TPST1: variants seen among roughly 807,000 people sequenced by gnomAD.
TPST1 encodes the protein protein-tyrosine sulfotransferase 1.
Under a neutral mutation model 34.8 loss-of-function variants are expected in TPST1, and 20 were observed. The observed-to-expected ratio is 0.57, with a 90% CI of 0.40 to 0.84. TPST1 has a LOEUF of 0.84. Ranked by LOEUF, TPST1 falls within the 40% of genes least tolerant of loss-of-function variation. The probability of loss-of-function intolerance (pLI) is 0.00; values close to 1 mark genes in which losing one functional copy is unlikely to be tolerated. For missense variants in TPST1, 353 were observed against 455.5 expected (o/e 0.78, Z 2.05); for synonymous variants, 152 against 159.4 (o/e 0.95, Z 0.35).
the TPST1 span, among the ~76,000 whole-genome samples, chr7:66,200,211 G>A: frequency 2.2e-3 from 335 of 152,286 alleles, no homozygotes; most frequent in African/African-American, 7.6e-3. Context: ...GTCTTCTCTA[G>A]AGGTGAGTTC....
At chr7:66,293,215 A>G (rs1442463300) in intron 3 of TPST1, among the ~76,000 whole-genome samples, 2 of 152,086 alleles carry the variant, frequency 1.3e-5, no homozygotes, top group Non-Finnish European at 2.9e-5. Context: ...CAAAAAAAAA[A>G]AAGAAAAACT....
intron 2 of TPST1, among the ~76,000 whole-genome samples, chr7:66,267,306 A>C (rs1173462556): frequency 6.6e-6 from 1 of 152,228 alleles, no homozygotes; most frequent in Non-Finnish European, 1.5e-5. Flanking sequence ...GAAGTGCAGA[A>C]TGTGCTTAGG....
At chr7:66,275,729 T>C (rs182239197) in intron 2 of TPST1, among the ~76,000 whole-genome samples, 20 of 151,344 alleles carry the variant, frequency 1.3e-4, no homozygotes, top group Admixed American at 1.1e-3. Context: ...GTTAGAGGAG[T>C]GGGGATTAGA....
intron 2 of TPST1, among the ~76,000 whole-genome samples, chr7:66,262,162 C>T (rs1009323545): frequency 7.2e-5 from 11 of 152,212 alleles, no homozygotes; most frequent in Admixed American, 1.3e-4. Context: ...GTTCTCCTTG[C>T]TTCACTGGCC....
chr7:66,358,448 A>G (rs1166631808), intron 5 of TPST1, among the ~76,000 whole-genome samples: 1 of 151,842 alleles, frequency 6.6e-6, no homozygotes, highest in African/African-American at 2.4e-5. Flanking sequence ...ATATATATAT[A>G]ACAGATACGC....
chr7:66,284,695 T>C (rs879927230), intron 2 of TPST1, among the ~76,000 whole-genome samples: 9 of 152,012 alleles, frequency 5.9e-5, no homozygotes, highest in Non-Finnish European at 1.2e-4. Flanking sequence ...TAGCTGGGAT[T>C]ACAGACATGC....
chr7:66,298,670 T>C (rs1791250510), intron 3 of TPST1, among the ~76,000 whole-genome samples: 1 of 152,232 alleles, frequency 6.6e-6, no homozygotes. Flanking sequence ...CTATTTTTGT[T>C]TCTTTGTTTC....
intron 3 of TPST1, among the ~76,000 whole-genome samples, chr7:66,336,196 G>C (rs914089831): frequency 6.6e-6 from 1 of 152,118 alleles, no homozygotes; most frequent in African/African-American, 2.4e-5. Context: ...TGTAGTCCCA[G>C]CTACTCGGGA....
chr7:66,349,582 C>G (rs190484463), intron 3 of TPST1, among the ~76,000 whole-genome samples: 8 of 152,016 alleles, frequency 5.3e-5, no homozygotes, highest in African/African-American at 1.9e-4. Context: ...AAAACAACAA[C>G]AACAACAACA....
intron 3 of TPST1, among the ~76,000 whole-genome samples, chr7:66,352,149 C>T (rs992363811): frequency 5.3e-5 from 8 of 152,154 alleles, no homozygotes; most frequent in Non-Finnish European, 8.8e-5. Flanking sequence ...TCCTAAACTG[C>T]GTGAGTTCTG....
chr7:66,237,330 T>C (rs1266978811), intron 1 of TPST1, among the ~76,000 whole-genome samples: 1 of 152,208 alleles, frequency 6.6e-6, no homozygotes, highest in Non-Finnish European at 1.5e-5. Flanking sequence ...ACCCACCTTT[T>C]AGCAGTTTTT....
intron 1 of TPST1, among the ~76,000 whole-genome samples, chr7:66,216,043 T>TTACA (rs1430269307): frequency 6.6e-5 from 10 of 151,526 alleles, no homozygotes; most frequent in Admixed American, 3.3e-4. Context: ...AGTGCTGGGA[T>TTACA]GTGAGCCACC....
intron 1 of TPST1, among the ~76,000 whole-genome samples, chr7:66,230,982 G>A (rs1399744806): frequency 1.3e-5 from 2 of 152,136 alleles, no homozygotes; most frequent in African/African-American, 4.8e-5. Flanking sequence ...GTCGATTGGT[G>A]CATTCACAAA....
chr7:66,221,213 G>A (rs1011884544), intron 1 of TPST1, among the ~76,000 whole-genome samples: 2 of 152,082 alleles, frequency 1.3e-5, no homozygotes, highest in African/African-American at 4.8e-5. Context: ...CCATTTAGGA[G>A]GCTGTGGAGT....
rs180911557 is a variant in TPST1, at chr7:66,332,483, G to A, written c.1045-20022G>A. Reference sequence around the variant, plus strand: ...GGGGTTTCACCATACTGGTTGGCCAGGCTGGTCTTGAACTCCTGACCTCAG... The same window carrying A: ...GGGGTTTCACCATACTGGTTGGCCAAGCTGGTCTTGAACTCCTGACCTCAG... On this transcript the variant is annotated intron_variant, in intron 3 of 5. Transcript: ENST00000304842. The surrounding 1 kb of genome is among the most constrained non-coding windows in gnomAD (Gnocchi z 4.5). Among the ~76,000 whole-genome samples the A allele has an allele frequency of 1.3e-5, 2 of 152,244 alleles. No individual in the cohort carries two copies. Among genetic ancestry groups the A allele is most frequent in the Non-Finnish European group, 1.5e-5 (1 of 68,018 alleles).
At chr7:66,222,039 T>A (rs970301301) in intron 1 of TPST1, among the ~76,000 whole-genome samples, 12 of 152,180 alleles carry the variant, frequency 7.9e-5, no homozygotes, top group Non-Finnish European at 1.8e-4. Context: ...ACTTTATAGG[T>A]ATTTTAAGGG....
intron 4 of TPST1, among the ~76,000 whole-genome samples, chr7:66,355,826 A>T (rs1792570545): frequency 6.7e-6 from 1 of 150,324 alleles, no homozygotes; most frequent in Non-Finnish European, 1.5e-5. Flanking sequence ...AATTGCTTGA[A>T]CTCAGGAGGC....
intron 2 of TPST1, among the ~76,000 whole-genome samples, chr7:66,276,519 A>G (rs977730257): frequency 6.6e-6 from 1 of 151,296 alleles, no homozygotes; most frequent in Non-Finnish European, 1.5e-5. Context: ...GAGTACAGGC[A>G]TGTGCCATCA....
At chr7:66,310,889 G>A (rs1791517791) in intron 3 of TPST1, among the ~76,000 whole-genome samples, 1 of 151,840 alleles carries the variant, frequency 6.6e-6, no homozygotes, top group South Asian at 2.1e-4. Context: ...GCAGTGGCAC[G>A]ATCATAGCTT....
Sources: gnomAD v4.1 joint callset for allele counts (sites outside exome capture counted in the v4.1 genomes callset) on GRCh38, gnomAD v4.1.1 for gene constraint, Gnocchi (gnomAD v3.1) non-coding constraint, MANE v1.5 for transcripts, NCBI Gene and HGNC (gene_info 2026-07-23, HGNC 2026-07-21) for gene names.